The following KYAT3 variants were observed in gnomAD, a reference collection of about 807,000 sequenced individuals.
The protein encoded by KYAT3 is kynurenine aminotransferase 3.
Under a neutral mutation model 59.0 loss-of-function variants are expected in KYAT3, and 50 were observed. The ratio of observed to expected loss-of-function variants is 0.85; its 90% CI spans 0.68 to 1.07. KYAT3 has a LOEUF of 1.07. Among genes scored for constraint, KYAT3 ranks in the 50% least tolerant of loss-of-function variants. The pLI is 0.00. For missense variants in KYAT3, 497 were observed against 533.3 expected, an observed-to-expected ratio of 0.93 and a Z score of 0.67; for synonymous variants, 148 against 177.0, an observed-to-expected ratio of 0.84 and a Z score of 1.30.
At chr1:88,948,904 T>C (rs1195838809) in intron 11 of KYAT3, among the ~76,000 whole-genome samples, 187 bp downstream of exon 11, 1 of 152,182 alleles carries the variant, frequency 6.6e-6, no homozygotes, top group Non-Finnish European at 1.5e-5. Context: ...CATTTAACAA[T>C]GGTCACATTT....
At chr1:88,969,177 A>G (rs1007193161) in intron 3 of KYAT3, among the ~76,000 whole-genome samples, 5 of 152,250 alleles carry the variant, frequency 3.3e-5, no homozygotes, top group South Asian at 4.1e-4. Flanking sequence ...GGGCATTAAC[A>G]TTTGTCCTTT....
downstream of KYAT3, among the ~76,000 whole-genome samples, chr1:88,935,143 G>A (rs993799612): frequency 6.6e-6 from 1 of 151,056 alleles, no homozygotes; most frequent in Non-Finnish European, 1.5e-5. Flanking sequence ...ACAGGAATAC[G>A]CCACCACGCC....
intron 2 of KYAT3, among the ~76,000 whole-genome samples, chr1:88,985,841 T>C (rs1677417017): frequency 6.6e-6 from 1 of 152,084 alleles, no homozygotes; most frequent in Non-Finnish European, 1.5e-5. Context: ...GGCAAAGAGA[T>C]ATTGGGTATG....
chr1:88,962,294 G>C, intron 5 of KYAT3, 149 bp from the exon 6 acceptor site: 1 of 626,494 alleles, frequency 1.6e-6, no homozygotes, highest in South Asian at 2.1e-5. Context: ...TAACATCTGA[G>C]GGGAAGAGAC....
In KYAT3 at chr1:88,949,087, A is replaced by G. The variant is rs2101026728; in HGVS notation, c.1141+4T>C. ...TAGTTGAAATAATAAAAGCCTTTAC[A>G]AACCTAGCAAAGACACATCAGCGAT... On this transcript the variant is annotated splice_donor_region_variant and intron_variant, in intron 11 of 13. Transcript: ENST00000260508. 1 of 1,540,008 alleles carries G rather than the reference A, an allele frequency of 6.5e-7. No homozygotes were observed. Among genetic ancestry groups the G allele is most frequent in the Non-Finnish European group, 8.7e-7 (1 of 1,151,156 alleles).
intron 2 of KYAT3, among the ~76,000 whole-genome samples, chr1:88,972,389 T>C (rs1441661539): frequency 6.6e-6 from 1 of 152,238 alleles, no homozygotes; most frequent in East Asian, 1.9e-4. Flanking sequence ...GGTGACACCA[T>C]CACAGTGTCC....
At chr1:88,970,831 T>C (rs1474045353) in intron 2 of KYAT3, among the ~76,000 whole-genome samples, 1 of 152,200 alleles carries the variant, frequency 6.6e-6, no homozygotes, top group Admixed American at 6.5e-5. Context: ...GTAATTTTAA[T>C]TCAATCTGGG....
At chr1:88,973,785 C>G (rs550829901) in intron 2 of KYAT3, among the ~76,000 whole-genome samples, 17 of 151,966 alleles carry the variant, frequency 1.1e-4, no homozygotes, top group Admixed American at 2.0e-4. Flanking sequence ...TTGGACAGAT[C>G]GAAAAAAACT....
intron 2 of KYAT3, chr1:88,981,377 A>G (rs1203612150): frequency 6.6e-6 from 1 of 152,362 alleles, no homozygotes; most frequent in Non-Finnish European, 1.5e-5. Context: ...CTTTAGCTAA[A>G]CAAAATGAAA....
At chr1:88,932,784 T>C (rs376322498), downstream of KYAT3, among the ~76,000 whole-genome samples, 4 of 152,130 alleles carry the variant, frequency 2.6e-5, no homozygotes, top group African/African-American at 9.7e-5. Flanking sequence ...GTGTGAGCCA[T>C]GGCACCAAGC....
At chr1:88,984,964 G>A (rs1216012122) in intron 2 of KYAT3, among the ~76,000 whole-genome samples, 1 of 152,210 alleles carries the variant, frequency 6.6e-6, no homozygotes, top group Non-Finnish European at 1.5e-5. Flanking sequence ...TCACATGAGT[G>A]AAATAAAAAT....
chr1:88,948,789 T>C (rs1480086297), intron 11 of KYAT3, among the ~76,000 whole-genome samples: 1 of 152,228 alleles, frequency 6.6e-6, no homozygotes, highest in Admixed American at 6.5e-5. Context: ...ACACTGAGTA[T>C]ATAATATTAT....
At position 88,961,153 on chromosome 1, in the gene KYAT3, G is replaced by T. The variant is rs750159898; in HGVS notation, c.787+14C>A. 5.0e-6 allele frequency: 8 copies of T among 1,612,650 alleles called. No individual in the cohort carries two copies. In the Middle Eastern group the frequency reaches 1.2e-3, roughly 233 times the overall value. ...AACACATTTAGATATGTGACTCTGT[G>T]TTATAGTTGGTACCTATTTTTAAGT... On this transcript the variant is annotated intron_variant, in intron 8 of 13. Coordinates refer to ENST00000260508, the MANE Select transcript of KYAT3 (RefSeq NM_001008661.3).
At chr1:88,965,184 T>G (rs540285185) in intron 4 of KYAT3, among the ~76,000 whole-genome samples, 1 of 152,216 alleles carries the variant, frequency 6.6e-6, no homozygotes, top group South Asian at 2.1e-4. Context: ...CATGAAGGCT[T>G]GCTAATGATT....
the KYAT3 span, among the ~76,000 whole-genome samples, chr1:88,929,720 C>T: frequency 1.3e-5 from 2 of 152,226 alleles, no homozygotes; most frequent in African/African-American, 4.8e-5. Flanking sequence ...CTGCTCACAA[C>T]AGGTTAAATA....
rs1675025239 is a variant in KYAT3 at position 88,936,071 on chromosome 1, T to C, written c.*112A>G. 1 of 710,960 alleles carries C rather than the reference T, an allele frequency of 1.4e-6. No individual in the cohort carries two copies. The highest frequency in any genetic ancestry group is 1.8e-5 in the African/African-American group (1 of 56,912). 44.0% of individuals were successfully genotyped at this position (710,960 alleles called of 1,614,324 possible). On this transcript the variant is annotated 3_prime_UTR_variant, in exon 14 of 14. Transcript: ENST00000260508. ...AACTGCTTTGGAAAAACAATGGAAA[T>C]ATTTAAATTCCAGTTGTACTGAAAT...
At chr1:88,962,949 G>A (rs1327339230) in intron 5 of KYAT3, among the ~76,000 whole-genome samples, 1 of 151,198 alleles carries the variant, frequency 6.6e-6, no homozygotes, top group African/African-American at 2.4e-5. Context: ...TCTTCGCCTT[G>A]ATTTTTTCAC....
chr1:88,953,598 A>G (rs1478837976), intron 9 of KYAT3, among the ~76,000 whole-genome samples: 2 of 151,544 alleles, frequency 1.3e-5, no homozygotes, highest in Non-Finnish European at 2.9e-5. Context: ...CAGTATTAGT[A>G]CTTAGAATCA....
chr1:88,946,740 T>C (rs192254130), intron 11 of KYAT3, among the ~76,000 whole-genome samples: 2 of 152,218 alleles, frequency 1.3e-5, no homozygotes, highest in African/African-American at 4.8e-5. Context: ...AATCTCAGAG[T>C]CTAGAACACC....
Sources: gnomAD v4.1 joint callset for allele counts (sites outside exome capture counted in the v4.1 genomes callset) on GRCh38, gnomAD v4.1.1 for gene constraint, MANE v1.5 for transcripts, NCBI Gene and HGNC (gene_info 2026-07-23, HGNC 2026-07-21) for gene names.